The following SGCZ variants were observed in gnomAD, a reference collection of about 807,000 sequenced individuals.
SGCZ encodes zeta-sarcoglycan.
A neutral mutation model predicts 41.3 loss-of-function variants in SGCZ; 40 were observed. The observed-to-expected ratio is 0.97, with a 90% CI of 0.75 to 1.26. SGCZ has a LOEUF of 1.26. SGCZ is among the 50% of genes most tolerant of loss of function. The pLI, the probability that SGCZ is intolerant of heterozygous loss-of-function variation, is 0.00. For missense variants in SGCZ, 552 were observed against 369.8 expected (o/e 1.49, Z -4.04); for synonymous variants, 206 against 137.5 (o/e 1.50, Z -3.49).
chr8:15,189,695 C>T lies in SGCZ; in HGVS notation c.39+47890G>A, dbSNP rs150927618. Among the ~76,000 whole-genome samples, 664 of 152,002 alleles carry T rather than the reference C, an allele frequency of 4.4e-3. 3 individuals are homozygous for T. Among genetic ancestry groups the T allele is most frequent in the African/African-American group, 0.015 (608 of 41,464 alleles). The stretch of plus-strand genomic sequence containing the variant: ...TCCCAAGTAGCTGGGATTACAGGTG[C>T]GTGCTAGCATGCCCAGCTAATTTTT... On this transcript the variant is annotated intron_variant, in intron 1 of 7. Transcript: ENST00000382080.
chr8:15,010,806 C>T (rs1265859435), intron 1 of SGCZ, among the ~76,000 whole-genome samples: 2 of 152,152 alleles, frequency 1.3e-5, no homozygotes, highest in Non-Finnish European at 2.9e-5. Flanking sequence ...TCTCAAGGTC[C>T]TTGTCACCCA....
chr8:15,228,208 A>G (rs934967057), intron 1 of SGCZ, among the ~76,000 whole-genome samples: 1 of 152,224 alleles, frequency 6.6e-6, no homozygotes, highest in African/African-American at 2.4e-5. Context: ...TTGTATTGTA[A>G]TTGGACTCAG....
At chr8:15,070,016 T>C (rs1354511010) in intron 1 of SGCZ, among the ~76,000 whole-genome samples, 1 of 152,136 alleles carries the variant, frequency 6.6e-6, no homozygotes, top group South Asian at 2.1e-4. Context: ...TATGTTGTTT[T>C]TGGTGTTAAG....
intron 1 of SGCZ, among the ~76,000 whole-genome samples, chr8:15,146,203 T>C (rs1435607886): frequency 4.6e-5 from 7 of 151,880 alleles, no homozygotes; most frequent in African/African-American, 1.7e-4. Context: ...AAAAAAGAAA[T>C]ATAAGTGAAG....
chr8:14,810,454 C>G (rs1005492009), intron 1 of SGCZ, among the ~76,000 whole-genome samples: 8 of 151,754 alleles, frequency 5.3e-5, no homozygotes, highest in African/African-American at 1.9e-4. Context: ...CACTAACACA[C>G]CATCATACTT....
intron 1 of SGCZ, among the ~76,000 whole-genome samples, chr8:15,071,588 C>T (rs1046118488): frequency 2.6e-5 from 4 of 152,202 alleles, no homozygotes; most frequent in African/African-American, 9.7e-5. Context: ...CAACCATTCT[C>T]ATCTTACCCA....
intron 1 of SGCZ, among the ~76,000 whole-genome samples, chr8:15,194,907 T>C (rs1403238354): frequency 6.6e-6 from 1 of 152,240 alleles, no homozygotes; most frequent in Non-Finnish European, 1.5e-5. Context: ...TTCCTATTGC[T>C]GCTGAAACAA....
chr8:14,351,168 C>T (rs1436276570), intron 2 of SGCZ, among the ~76,000 whole-genome samples: 2 of 151,904 alleles, frequency 1.3e-5, no homozygotes, highest in Admixed American at 6.6e-5. Flanking sequence ...AAAAGTACTG[C>T]GTCTGTAAAA....
At chr8:14,128,722 C>T (rs1344135486) in intron 5 of SGCZ, among the ~76,000 whole-genome samples, 8 of 146,278 alleles carry the variant, frequency 5.5e-5, no homozygotes, top group Admixed American at 2.0e-4. Context: ...TACATATACA[C>T]ACACACACAC....
At chr8:15,142,588 T>A (rs577250890) in intron 1 of SGCZ, among the ~76,000 whole-genome samples, 1 of 151,680 alleles carries the variant, frequency 6.6e-6, no homozygotes, top group Admixed American at 6.6e-5. Flanking sequence ...ACCCCCCAAT[T>A]ACCATCCAGT....
intron 3 of SGCZ, among the ~76,000 whole-genome samples, chr8:14,294,108 A>C (rs1800935137): frequency 6.6e-6 from 1 of 151,914 alleles, no homozygotes; most frequent in Non-Finnish European, 1.5e-5. Context: ...CAACCACCAG[A>C]CATTACGCGT....
At chr8:14,611,374 T>G (rs1280585749) in intron 1 of SGCZ, among the ~76,000 whole-genome samples, 1 of 152,104 alleles carries the variant, frequency 6.6e-6, no homozygotes, top group African/African-American at 2.4e-5. Context: ...GTGGAATTGT[T>G]TCTAGGGGAA....
chr8:15,064,380 C>T (rs1160152020), intron 1 of SGCZ, among the ~76,000 whole-genome samples: 1 of 152,016 alleles, frequency 6.6e-6, no homozygotes, highest in Non-Finnish European at 1.5e-5. Context: ...CTCTCCTATC[C>T]CCGCACATAT....
intron 3 of SGCZ, among the ~76,000 whole-genome samples, chr8:14,288,367 C>G (rs12548539): frequency 6.6e-6 from 1 of 151,844 alleles, no homozygotes; most frequent in African/African-American, 2.4e-5. Context: ...ACCATTATTA[C>G]TATCAAGTTC....
chr8:14,722,707 A>T, intron 1 of SGCZ, among the ~76,000 whole-genome samples: 1 of 152,278 alleles, frequency 6.6e-6, no homozygotes. Flanking sequence ...TCAAGAAAAT[A>T]TCAGAAGGAA....
At chr8:14,654,876 A>G (rs1807512174) in intron 1 of SGCZ, among the ~76,000 whole-genome samples, 1 of 151,958 alleles carries the variant, frequency 6.6e-6, no homozygotes, top group African/African-American at 2.4e-5. Flanking sequence ...TATATTGGTC[A>G]GGCTGGTTTC....
chr8:14,819,808 A>G (rs191894270), intron 1 of SGCZ, among the ~76,000 whole-genome samples: 62 of 152,240 alleles, frequency 4.1e-4, no homozygotes, highest in African/African-American at 1.5e-3. Flanking sequence ...ATCCATTTTA[A>G]CCACAAGATT....
intron 1 of SGCZ, among the ~76,000 whole-genome samples, chr8:14,949,913 A>G (rs369142839): frequency 5.3e-5 from 8 of 152,210 alleles, no homozygotes; most frequent in Middle Eastern, 3.4e-3. Context: ...AAGGTAATTC[A>G]TGTTTAAGAC....
intron 2 of SGCZ, among the ~76,000 whole-genome samples, chr8:14,394,520 T>C (rs1804910609): frequency 6.6e-6 from 1 of 152,186 alleles, no homozygotes; most frequent in Admixed American, 6.5e-5. Context: ...ATGACACATG[T>C]ACATCTTGAG....
Sources: gnomAD v4.1 joint callset for allele counts (sites outside exome capture counted in the v4.1 genomes callset) on GRCh38, gnomAD v4.1.1 for gene constraint, MANE v1.5 for transcripts, NCBI Gene and HGNC (gene_info 2026-07-23, HGNC 2026-07-21) for gene names.